The following CASP10 variants were observed in gnomAD, a reference collection of about 807,000 sequenced individuals.
The protein encoded by CASP10 is caspase 10.
CASP10 carries 41 observed loss-of-function variants against 48.5 expected under a neutral mutation model. That is an observed-to-expected ratio of 0.85 (90% CI 0.66 to 1.10). The LOEUF is 1.10. Among genes scored for constraint, CASP10 ranks in the 50% least tolerant of loss-of-function variants. The pLI, the probability that CASP10 is intolerant of heterozygous loss-of-function variation, is 0.00. For synonymous variants in CASP10, 232 were observed against 238.4 expected (o/e 0.97, Z 0.25); for missense variants, 614 against 614.5 (o/e 1.00, Z 0.01).
In CASP10 at chr2:201,221,189, A is replaced by C. The variant is rs528237173; in HGVS notation, c.*3448A>C. The C allele has an allele frequency of 1.3e-5, 13 of 985,394 alleles. No homozygotes were observed. In the East Asian group the frequency reaches 1.2e-3, roughly 95 times the overall value. 61.0% of individuals were successfully genotyped at this position (985,394 alleles called of 1,614,324 possible). ...CAACTCAGCACTAGCATTACCCCTG[A>C]CATACTCTGAGTAAGATCTAATTCT... On this transcript the variant is annotated 3_prime_UTR_variant, in exon 10 of 10. Coordinates refer to ENST00000286186, the MANE Select transcript of CASP10 (RefSeq NM_032977.4).
exon 10 of CASP10, chr2:201,229,302 C>A (rs1253124502): frequency 1.0e-5 from 6 of 588,514 alleles, no homozygotes; most frequent in Non-Finnish European, 1.8e-5. Flanking sequence ...CTAAAATTCC[C>A]ATTTTCTTTA....
chr2:201,206,698 G>A (rs992923690), intron 7 of CASP10, among the ~76,000 whole-genome samples: 2 of 151,038 alleles, frequency 1.3e-5, no homozygotes, highest in African/African-American at 4.9e-5. Flanking sequence ...TCAGGCTCAA[G>A]GAATTCTCCT....
In CASP10 at chr2:201,218,307, C is replaced by A; in HGVS notation, c.*566C>A. ...ACAGAGTAATTGGCTTTGGTTTGTG[C>A]AGGTACTTTTTCTTTGAGACAGAGT... is the stretch of plus-strand genomic sequence containing the variant. On this transcript the variant is annotated 3_prime_UTR_variant, in exon 10 of 10. Coordinates refer to ENST00000286186, the MANE Select transcript of CASP10 (RefSeq NM_032977.4). The A allele has an allele frequency of 1.0e-6, 1 of 994,926 alleles. No homozygotes were observed. Among genetic ancestry groups the A allele is most frequent in the Admixed American group, 5.7e-5 (1 of 17,604 alleles). 61.6% of individuals were successfully genotyped at this position (994,926 alleles called of 1,614,324 possible). A position where few individuals can be genotyped will look rare whatever the true frequency, so the allele number is the denominator to read the frequency against.
At position 201,218,680 on chromosome 2, in the gene CASP10, C is replaced by A; in HGVS notation, c.*939C>A. The A allele has an allele frequency of 1.0e-6, 1 of 985,368 alleles. No homozygotes were observed. The highest frequency in any genetic ancestry group is 1.2e-6 in the Non-Finnish European group (1 of 829,936). 61.0% of individuals were successfully genotyped at this position (985,368 alleles called of 1,614,324 possible). Reference sequence around the variant, plus strand: ...CCTAGATTGAGCTTAGATTGCCTCTCTAGACAACTACCCCTTAGTTATAAT... The same window carrying A: ...CCTAGATTGAGCTTAGATTGCCTCTATAGACAACTACCCCTTAGTTATAAT... On this transcript the variant is annotated 3_prime_UTR_variant, in exon 10 of 10. Coordinates refer to ENST00000286186, the MANE Select transcript of CASP10 (RefSeq NM_032977.4).
rs775335156 is a variant in CASP10 at position 201,219,390 on chromosome 2, G to T, written c.*1649G>T. ...TCTTTCACATTGAAACCCAGGAGTG[G>T]ATAACACTGGCTTCAGGCAAAGCTT... On this transcript the variant is annotated 3_prime_UTR_variant, in exon 10 of 10. Transcript: ENST00000286186. 115 of 966,090 alleles carry T rather than the reference G, an allele frequency of 1.2e-4. No homozygotes were observed. The highest frequency in any genetic ancestry group is 1.3e-4 in the Non-Finnish European group (107 of 812,444). The allele number at this position is 966,090 out of a possible 1,614,324, so 59.8% of individuals were successfully genotyped here.
chr2:201,187,079 C>T (rs1265724638), intron 2 of CASP10, among the ~76,000 whole-genome samples: 3 of 152,262 alleles, frequency 2.0e-5, no homozygotes, highest in East Asian at 3.9e-4. Context: ...ATGGTCTCTG[C>T]GATTAGAACA....
chr2:201,205,906 C>T lies in CASP10; in HGVS notation c.746C>T (p.Pro249Leu). The change falls in exon 7 of 10, where the codon CCA (proline) becomes CTA (leucine). Residue 249 changes from proline to leucine, a missense_variant. By Grantham distance (98) the Pro-to-Leu change is moderately conservative. Transcript: ENST00000286186. ...SNGNRATNGAPSLVSRGMQGA... is the reference protein window; with the variant it reads ...SNGNRATNGALSLVSRGMQGA... ...GGTAACAGAGCCACAAATGGTGCAC[C>T]AAGCCTGGTCTCCAGGGGGATGCAA... The T allele has an allele frequency of 6.2e-7, 1 of 1,612,366 alleles. No homozygotes were observed. The highest frequency in any genetic ancestry group is 8.5e-7 in the Non-Finnish European group (1 of 1,178,462).
At chr2:201,215,670 T>C (rs1945547098) in intron 9 of CASP10, among the ~76,000 whole-genome samples, 1 of 152,192 alleles carries the variant, frequency 6.6e-6, no homozygotes, top group African/African-American at 2.4e-5. Flanking sequence ...TGTAGTATAT[T>C]TTGAAGTCAG....
chr2:201,228,954 G>T, exon 10 of CASP10: 1 of 1,614,132 alleles, frequency 6.2e-7, no homozygotes, highest in South Asian at 1.1e-5. Flanking sequence ...TTCTGGAAAA[G>T]ACAATGGAAA....
rs901346978 is a variant in CASP10 at position 201,220,774 on chromosome 2, A to G, written c.*3033A>G. On this transcript the variant is annotated 3_prime_UTR_variant, in exon 10 of 10. Transcript: ENST00000286186. ...AGGATGATCTCCCAAAACCGTGTTC[A>G]TAACAGTCAGGGCCAAAAGCTAGTG... The G allele has an allele frequency of 3.0e-6, 3 of 985,350 alleles. No homozygotes were observed. The highest frequency in any genetic ancestry group is 3.6e-6 in the Non-Finnish European group (3 of 829,940). 61.0% of individuals were successfully genotyped at this position (985,350 alleles called of 1,614,324 possible). A position where few individuals can be genotyped will look rare whatever the true frequency, so the allele number is the denominator to read the frequency against.
chr2:201,201,193 G>A (rs1417150066), intron 5 of CASP10, among the ~76,000 whole-genome samples: 2 of 151,954 alleles, frequency 1.3e-5, no homozygotes, highest in African/African-American at 4.8e-5. Context: ...GGGATTACAG[G>A]CACCCGCCAC....
At chr2:201,186,449 C>T (rs1227314507) in intron 2 of CASP10, 5 of 367,030 alleles carry the variant, frequency 1.4e-5, no homozygotes, top group Non-Finnish European at 2.6e-5. Context: ...CTTCTCCCTC[C>T]TGGGATCCAC....
chr2:201,222,118 G>C (rs533947765), downstream of CASP10, among the ~76,000 whole-genome samples: 1 of 152,260 alleles, frequency 6.6e-6, no homozygotes, highest in East Asian at 1.9e-4. Context: ...GAGGGGAATA[G>C]GTAGATTGAG....
chr2:201,199,472 G>A (rs1043473146), intron 5 of CASP10, among the ~76,000 whole-genome samples: 14 of 151,588 alleles, frequency 9.2e-5, no homozygotes, highest in Admixed American at 3.3e-4. Flanking sequence ...GCAACATAGT[G>A]AGACCCTCTC....
chr2:201,185,314 G>A (rs1944376987), intron 1 of CASP10, among the ~76,000 whole-genome samples: 1 of 152,186 alleles, frequency 6.6e-6, no homozygotes, highest in South Asian at 2.1e-4. Flanking sequence ...GTACCTTGCT[G>A]TCTTTGGGTT....
intron 5 of CASP10, among the ~76,000 whole-genome samples, chr2:201,198,836 G>A (rs537387980): frequency 6.6e-6 from 1 of 152,050 alleles, no homozygotes; most frequent in African/African-American, 2.4e-5. Flanking sequence ...CACCGCGCCC[G>A]GCCTATATTT....
At chr2:201,203,527 G>A (rs1455687376) in intron 5 of CASP10, among the ~76,000 whole-genome samples, 3 of 151,958 alleles carry the variant, frequency 2.0e-5, no homozygotes, top group Admixed American at 6.6e-5. Flanking sequence ...GGCTGGTCTC[G>A]AACTCCTGAC....
intron 7 of CASP10, among the ~76,000 whole-genome samples, chr2:201,206,440 A>AAT (rs925644716): frequency 1.7e-4 from 25 of 150,112 alleles, no homozygotes; most frequent in South Asian, 8.4e-4. Flanking sequence ...TCCTACTGTG[A>AAT]ATATATATAT....
chr2:201,198,331 C>T (rs1480760007), intron 5 of CASP10, among the ~76,000 whole-genome samples: 1 of 149,946 alleles, frequency 6.7e-6, no homozygotes, highest in Non-Finnish European at 1.5e-5. Flanking sequence ...TCAAGCGATT[C>T]TCCTGCCTCA....
Sources: allele counts gnomAD v4.1 joint callset (sites outside exome capture counted in the v4.1 genomes callset), GRCh38; gene constraint gnomAD v4.1.1; transcripts MANE v1.5; gene names NCBI Gene and HGNC (gene_info 2026-07-23, HGNC 2026-07-21).